HTR2C: variants seen among roughly 807,000 people sequenced by gnomAD.
HTR2C encodes 5-hydroxytryptamine (serotonin) receptor 2C, G protein-coupled.
A neutral mutation model predicts 21.0 loss-of-function variants in HTR2C; 5 were observed. The ratio of observed to expected loss-of-function variants is 0.24; its 90% CI spans 0.12 to 0.50. HTR2C has a LOEUF of 0.50. Ranked by LOEUF, HTR2C falls within the 20% of genes least tolerant of loss-of-function variation. The pLI, the probability that HTR2C is intolerant of heterozygous loss-of-function variation, is 0.98. For synonymous variants in HTR2C, 150 were observed against 145.3 expected (o/e 1.03, Z -0.23); for missense variants, 271 against 371.2 (o/e 0.73, Z 2.22).
intron 4 of HTR2C, among the ~76,000 whole-genome samples, chrX:114,770,074 A>G (rs2069985272): frequency 9.0e-6 from 1 of 111,594 alleles, no homozygotes; most frequent in Non-Finnish European, 1.9e-5. Context: ...TGATGAAGTC[A>G]ACTGTTAATC....
intron 4 of HTR2C, among the ~76,000 whole-genome samples, chrX:114,811,927 T>G (rs782203570): frequency 7.1e-5 from 8 of 111,903 alleles, no homozygotes; most frequent in Non-Finnish European, 1.3e-4. Context: ...GCCATAATTT[T>G]TGAGATTTTT....
At chrX:114,822,454 T>G (rs1010242856) in intron 4 of HTR2C, among the ~76,000 whole-genome samples, 1 of 112,392 alleles carries the variant, frequency 8.9e-6, no homozygotes, top group Non-Finnish European at 1.9e-5. Context: ...TAGGCAAGAA[T>G]TCATGATTGC....
chrX:114,752,754 C>T (rs782047757), intron 4 of HTR2C, among the ~76,000 whole-genome samples: 1 of 110,751 alleles, frequency 9.0e-6, no homozygotes, highest in Non-Finnish European at 1.9e-5. Flanking sequence ...CAGCCTAGCA[C>T]CCCTTCTTTT....
chrX:114,841,612 G>A (rs1210113711), intron 4 of HTR2C, among the ~76,000 whole-genome samples: 2 of 110,504 alleles, frequency 1.8e-5, no homozygotes, highest in African/African-American at 6.6e-5. Context: ...GCGATGGTGG[G>A]CACCTGTAGT....
At chrX:114,611,357 G>A (rs782090224) in intron 1 of HTR2C, among the ~76,000 whole-genome samples, 2 of 111,879 alleles carry the variant, frequency 1.8e-5, no homozygotes, top group African/African-American at 3.3e-5. Context: ...GATCTCATGC[G>A]TTTCTGCGAT....
chrX:114,683,936 G>T (rs1931832102), intron 2 of HTR2C, among the ~76,000 whole-genome samples: 1 of 111,863 alleles, frequency 8.9e-6, no homozygotes, highest in African/African-American at 3.2e-5. Context: ...TTTGTTTTGA[G>T]AAATATCTTT....
At chrX:114,882,782 T>C (rs902072953) in intron 5 of HTR2C, among the ~76,000 whole-genome samples, 4 of 110,353 alleles carry the variant, frequency 3.6e-5, no homozygotes, top group Non-Finnish European at 7.6e-5. Flanking sequence ...GAAATATTTA[T>C]CCGTAGTTTT....
At chrX:114,621,678 C>T (rs1929171056) in intron 2 of HTR2C, among the ~76,000 whole-genome samples, 1 of 110,941 alleles carries the variant, frequency 9.0e-6, no homozygotes, top group Admixed American at 9.7e-5. Context: ...GAAGGCTTTT[C>T]CTGGACAGAC....
In HTR2C at chrX:114,805,835, C is replaced by CATATATATACCATATATACCAT. The variant is rs781867615; in HGVS notation, c.350-42161_350-42160insTACCATATATACCATATATATA. On this transcript the variant is annotated intron_variant, in intron 4 of 5. Transcript: ENST00000276198. ...CACCATATATATACCATATATATAC[C>CATATATATACCATATATACCAT]ATATATACCATATATATACCATATA... Among the ~76,000 whole-genome samples the CATATATATACCATATATACCAT allele has an allele frequency of 6.6e-3, 206 of 31,193 alleles. 3 individuals carry two copies. The highest frequency in any genetic ancestry group is 0.026 in the African/African-American group (187 of 7,064). The allele number at this position is 31,193 out of a possible 115,157, so 27.1% of individuals were successfully genotyped here.
intron 4 of HTR2C, among the ~76,000 whole-genome samples, chrX:114,834,032 G>C (rs1355116028): frequency 9.0e-6 from 1 of 110,865 alleles, no homozygotes; most frequent in Non-Finnish European, 1.9e-5. Context: ...TCTTAATCCT[G>C]AGTTCTAGTT....
intron 4 of HTR2C, among the ~76,000 whole-genome samples, chrX:114,814,499 A>G (rs2070563397): frequency 9.1e-6 from 1 of 109,577 alleles, no homozygotes; most frequent in Non-Finnish European, 1.9e-5. Flanking sequence ...CAGACCAGGA[A>G]GGAGGTTTGG....
intron 5 of HTR2C, among the ~76,000 whole-genome samples, chrX:114,870,791 A>T (rs2071086208): frequency 9.0e-6 from 1 of 111,034 alleles, no homozygotes; most frequent in Admixed American, 9.6e-5. Flanking sequence ...GTTTGATTTT[A>T]TTTATTTGGA....
At chrX:114,663,486 C>A (rs980098446) in intron 2 of HTR2C, among the ~76,000 whole-genome samples, 1 of 111,883 alleles carries the variant, frequency 8.9e-6, no homozygotes, top group Non-Finnish European at 1.9e-5. Context: ...GGCATTTATT[C>A]TTGCAAAGTA....
At chrX:114,590,772 G>C (rs1449998544) in intron 1 of HTR2C, among the ~76,000 whole-genome samples, 1 of 111,422 alleles carries the variant, frequency 9.0e-6, no homozygotes, top group Non-Finnish European at 1.9e-5. Context: ...CTACCACACT[G>C]TTTTATTTTC....
chrX:114,716,459 T>A (rs998157933), intron 2 of HTR2C, among the ~76,000 whole-genome samples: 4 of 110,126 alleles, frequency 3.6e-5, no homozygotes, highest in Admixed American at 2.0e-4. Context: ...GAGAAAAAAA[T>A]TTTTTTTTCC....
chrX:114,673,493 G>A (rs935068080), intron 2 of HTR2C, among the ~76,000 whole-genome samples: 1 of 110,606 alleles, frequency 9.0e-6, no homozygotes, highest in Admixed American at 9.7e-5. Context: ...CCAAGGGAGG[G>A]GATTCCAATA....
At chrX:114,903,300 T>G (rs1346903536) in intron 5 of HTR2C, among the ~76,000 whole-genome samples, 1 of 112,433 alleles carries the variant, frequency 8.9e-6, no homozygotes, top group Non-Finnish European at 1.9e-5. Context: ...CAAAAGAAAA[T>G]TAATGACAGT....
intron 2 of HTR2C, among the ~76,000 whole-genome samples, chrX:114,614,251 T>C (rs1200139779): frequency 9.1e-6 from 1 of 110,363 alleles, no homozygotes; most frequent in Admixed American, 9.7e-5. Flanking sequence ...TGTTTTTTTT[T>C]TGTTTTTTTG....
At chrX:114,784,332 C>T (rs1556441411) in intron 4 of HTR2C, among the ~76,000 whole-genome samples, 3 of 111,438 alleles carry the variant, frequency 2.7e-5, no homozygotes. Context: ...GAAATATGTA[C>T]AAATATCTAG....
Sources: allele counts gnomAD v4.1 joint callset (sites outside exome capture counted in the v4.1 genomes callset), GRCh38; gene constraint gnomAD v4.1.1; transcripts MANE v1.5; gene names NCBI Gene and HGNC (gene_info 2026-07-23, HGNC 2026-07-21).